ZBTB10: variants seen among roughly 807,000 people sequenced by gnomAD.
ZBTB10 encodes zinc finger and BTB domain containing 10.
A neutral mutation model predicts 76.4 loss-of-function variants in ZBTB10; 32 were observed. The observed-to-expected ratio is 0.42, with a 90% CI of 0.32 to 0.56. The LOEUF is 0.56. ZBTB10 is among the 20% of genes least tolerant of loss of function. The probability of loss-of-function intolerance (pLI) is 0.14; values close to 1 mark genes in which losing one functional copy is unlikely to be tolerated. For synonymous variants in ZBTB10, 523 were observed against 432.9 expected (o/e 1.21, Z -2.58); for missense variants, 1,057 against 1,098.5 (o/e 0.96, Z 0.53).
At chr8:80,504,591 T>C (rs1449592484) in intron 2 of ZBTB10, among the ~76,000 whole-genome samples, 1 of 152,224 alleles carries the variant, frequency 6.6e-6, no homozygotes, top group Non-Finnish European at 1.5e-5. Context: ...TCATTTCTTT[T>C]ACACAAGAAT....
At chr8:80,485,755 C>T (rs1815428409), upstream of ZBTB10, 2 of 1,529,796 alleles carry the variant, frequency 1.3e-6, no homozygotes, top group African/African-American at 2.8e-5. Context: ...AAGTTCACTT[C>T]CTTGGGCACC....
At position 80,486,762 on chromosome 8, in the gene ZBTB10, G is replaced by A; in HGVS notation, c.-49G>A. Reference sequence around the variant, plus strand: ...GGGGAGCGCGCGGGACGCGGCCCGAGGCCGTGCGCGAGCCGGGGCACCGGG... The same window carrying A: ...GGGGAGCGCGCGGGACGCGGCCCGAAGCCGTGCGCGAGCCGGGGCACCGGG... On this transcript the variant is annotated 5_prime_UTR_variant, in exon 1 of 6. Coordinates refer to ENST00000455036, the MANE Select transcript of ZBTB10 (RefSeq NM_001105539.3). 5.4e-6 allele frequency: 7 copies of A among 1,295,646 alleles called. No homozygotes were observed. Among genetic ancestry groups the A allele is most frequent in the African/African-American group, 1.6e-5 (1 of 62,302 alleles). 80.3% of individuals were successfully genotyped at this position (1,295,646 alleles called of 1,614,324 possible). A position where few individuals can be genotyped will look rare whatever the true frequency, so the allele number is the denominator to read the frequency against.
At chr8:80,503,190 T>C (rs1815968144) in intron 2 of ZBTB10, among the ~76,000 whole-genome samples, 2 of 152,186 alleles carry the variant, frequency 1.3e-5, no homozygotes, top group Non-Finnish European at 1.5e-5. Context: ...ATTAAAATAT[T>C]GTGTTGATTT....
chr8:80,486,234 T>G lies in ZBTB10; in HGVS notation c.-577T>G. 3.1e-5 allele frequency: 32 copies of G among 1,033,610 alleles called. No individual in the cohort carries two copies. The highest frequency in any genetic ancestry group is 3.7e-5 in the Non-Finnish European group (32 of 862,684). The allele number at this position is 1,033,610 out of a possible 1,614,324, so 64.0% of individuals were successfully genotyped here. A position where few individuals can be genotyped will look rare whatever the true frequency, so the allele number is the denominator to read the frequency against. On this transcript the variant is annotated 5_prime_UTR_variant, in exon 1 of 6. Coordinates refer to ENST00000455036, the MANE Select transcript of ZBTB10 (RefSeq NM_001105539.3). ...CGCACGGTCCGTTGTTCATTTGCCATTCGACCTCCGCCAGGGCCTGGTCGG... is the reference window on the plus strand; with the variant it reads ...CGCACGGTCCGTTGTTCATTTGCCAGTCGACCTCCGCCAGGGCCTGGTCGG...
rs1401753052 is a variant in ZBTB10, at chr8:80,523,792, G to C, written c.*4264G>C. ...GCTATTGAGAACAATATTTTGGGTT[G>C]AGGAGAGATGGTTGAGGCCATTATT... On this transcript the variant is annotated 3_prime_UTR_variant, in exon 6 of 6. Coordinates refer to ENST00000455036, the MANE Select transcript of ZBTB10 (RefSeq NM_001105539.3). 6.6e-6 allele frequency: 1 copy of C among 151,962 alleles called. No homozygotes were observed. Among genetic ancestry groups the C allele is most frequent in the Non-Finnish European group, 1.5e-5 (1 of 67,876 alleles). 9.4% of individuals were successfully genotyped at this position (151,962 alleles called of 1,614,324 possible). A position where few individuals can be genotyped will look rare whatever the true frequency, so the allele number is the denominator to read the frequency against.
intron 2 of ZBTB10, among the ~76,000 whole-genome samples, chr8:80,506,550 C>G (rs1254586956): frequency 1.4e-5 from 2 of 144,208 alleles, no homozygotes; most frequent in Non-Finnish European, 3.0e-5. Flanking sequence ...AACTCCTGAC[C>G]TCAGGTGATC....
rs1056222489 is a variant in ZBTB10 at position 80,522,128 on chromosome 8, T to TA, written c.*2607dup. 2 of 151,858 alleles carry TA rather than the reference T, an allele frequency of 1.3e-5. No homozygotes were observed. Among genetic ancestry groups the TA allele is most frequent in the African/African-American group, 4.8e-5 (2 of 41,410 alleles). 9.4% of individuals were successfully genotyped at this position (151,858 alleles called of 1,614,324 possible). A position where few individuals can be genotyped will look rare whatever the true frequency, so the allele number is the denominator to read the frequency against. On this transcript the variant is annotated 3_prime_UTR_variant, in exon 6 of 6. Transcript: ENST00000455036. The stretch of plus-strand genomic sequence containing the variant: ...ACTGCCTTTTCCCATCTAGATCTTT[T>TA]AAAAAAATAGTTTTAGTACTAAGGT...
At chr8:80,515,720 T>C (rs1279439251) in intron 3 of ZBTB10, among the ~76,000 whole-genome samples, 1 of 152,214 alleles carries the variant, frequency 6.6e-6, no homozygotes, top group Non-Finnish European at 1.5e-5. Context: ...TATTTTTGCA[T>C]CTGAGATCAG....
In ZBTB10 at chr8:80,486,735, G is replaced by A. The variant is rs1178995509; in HGVS notation, c.-76G>A. 3 of 1,012,678 alleles carry A rather than the reference G, an allele frequency of 3.0e-6. No individual in the cohort carries two copies. The highest frequency in any genetic ancestry group is 3.5e-6 in the Non-Finnish European group (3 of 848,568). The allele number at this position is 1,012,678 out of a possible 1,614,324, so 62.7% of individuals were successfully genotyped here. A position where few individuals can be genotyped will look rare whatever the true frequency, so the allele number is the denominator to read the frequency against. On this transcript the variant is annotated 5_prime_UTR_variant, in exon 1 of 6. Coordinates refer to ENST00000455036, the MANE Select transcript of ZBTB10 (RefSeq NM_001105539.3). ...GCGGGGGCGAGACAGAGGGGGAGCC[G>A]CGGGGAGCGCGCGGGACGCGGCCCG...
Position 80,518,668 on chromosome 8 carries a change from A to C in ZBTB10, c.2137+89A>C. 4.7e-6 allele frequency: 7 copies of C among 1,481,458 alleles called. No homozygotes were observed. The South Asian group carries it at 1.0e-4, about 21-fold the overall frequency. 91.8% of individuals were successfully genotyped at this position (1,481,458 alleles called of 1,614,324 possible). A position where few individuals can be genotyped will look rare whatever the true frequency, so the allele number is the denominator to read the frequency against. The stretch of plus-strand genomic sequence containing the variant: ...TCATGTTCTGCATTTTTTAAAAACC[A>C]AGTAGCAGTAGCTCCACATAATTGC... On this transcript the variant is annotated intron_variant, in intron 4 of 5. Coordinates refer to ENST00000455036, the MANE Select transcript of ZBTB10 (RefSeq NM_001105539.3).
rs934755525 is a variant in ZBTB10 at position 80,522,014 on chromosome 8, C to CT, written c.*2489dup. On this transcript the variant is annotated 3_prime_UTR_variant, in exon 6 of 6. Transcript: ENST00000455036. The stretch of plus-strand genomic sequence containing the variant: ...TTAGCCTCAGCCTATATAAAAATTT[C>CT]TTTGAAGTAAACATTTTACCGGAAA... The CT allele has an allele frequency of 6.6e-6, 1 of 151,706 alleles. No homozygotes were observed. The highest frequency in any genetic ancestry group is 1.5e-5 in the Non-Finnish European group (1 of 67,762). 9.4% of individuals were successfully genotyped at this position (151,706 alleles called of 1,614,324 possible). A position where few individuals can be genotyped will look rare whatever the true frequency, so the allele number is the denominator to read the frequency against.
rs1045060722 is a variant in ZBTB10, at chr8:80,486,640, G to A, written c.-171G>A. 2 of 988,352 alleles carry A rather than the reference G, an allele frequency of 2.0e-6. No homozygotes were observed. Among genetic ancestry groups the A allele is most frequent in the South Asian group, 4.6e-5 (1 of 21,662 alleles). 61.2% of individuals were successfully genotyped at this position (988,352 alleles called of 1,614,324 possible). ...GGCAGCGGACGCGTGCAGCAGACCCGGGAGCGAGCGCGAGCCGGGCTGCCG... is the reference window on the plus strand; with the variant it reads ...GGCAGCGGACGCGTGCAGCAGACCCAGGAGCGAGCGCGAGCCGGGCTGCCG... On this transcript the variant is annotated 5_prime_UTR_variant, in exon 1 of 6. Transcript: ENST00000455036.
rs1409849869 is a variant in ZBTB10 at position 80,518,580 on chromosome 8, G to A, written c.2137+1G>A. 1.9e-6 allele frequency: 3 copies of A among 1,548,714 alleles called. No individual in the cohort carries two copies. Among genetic ancestry groups the A allele is most frequent in the Admixed American group, 2.0e-5 (1 of 50,614 alleles). ...CCAAAACAAGAAACCTGGGAAAATGGCAAGTATTAGTCAACTAAACAAATA... is the reference window on the plus strand; with the variant it reads ...CCAAAACAAGAAACCTGGGAAAATGACAAGTATTAGTCAACTAAACAAATA... On this transcript the variant is annotated splice_donor_variant, in intron 4 of 5. Transcript: ENST00000455036. LOFTEE classifies it high-confidence loss of function.
At chr8:80,514,571 CAA>C (rs921165122) in intron 3 of ZBTB10, among the ~76,000 whole-genome samples, 5 of 152,298 alleles carry the variant, frequency 3.3e-5, no homozygotes, top group Admixed American at 3.3e-4. Context: ...GGAAATAATT[CAA>C]AGTCATCAGT....
chr8:80,514,215 T>C (rs1156434578), intron 3 of ZBTB10, among the ~76,000 whole-genome samples: 2 of 152,230 alleles, frequency 1.3e-5, no homozygotes, highest in Non-Finnish European at 2.9e-5. Context: ...AGTCATTTGT[T>C]TAGTTTTAAA....
chr8:80,519,200 G>T lies in ZBTB10; in HGVS notation c.2311-23G>T, dbSNP rs758599882. The T allele has an allele frequency of 9.4e-6, 15 of 1,603,992 alleles. No homozygotes were observed. In the Admixed American group the frequency reaches 1.9e-4, roughly 20 times the overall value. ...CTATTATATATAATATCCTTATATT[G>T]GATTTTTTCCCCCTCCAATTAGGTG... On this transcript the variant is annotated intron_variant, in intron 5 of 5. Coordinates refer to ENST00000455036, the MANE Select transcript of ZBTB10 (RefSeq NM_001105539.3).
rs1051919 is a variant in ZBTB10, at chr8:80,526,075, G to A, written c.*6547G>A. 0.23 allele frequency: 34,332 copies of A among 151,572 alleles called. 4,888 individuals carry two copies. The highest frequency in any genetic ancestry group is 0.4 in the African/African-American group (16,642 of 41,314). The allele number at this position is 151,572 out of a possible 1,614,324, so 9.4% of individuals were successfully genotyped here. A position where few individuals can be genotyped will look rare whatever the true frequency, so the allele number is the denominator to read the frequency against. On this transcript the variant is annotated 3_prime_UTR_variant, in exon 6 of 6. Transcript: ENST00000455036. ...GCCTTTGTGATTTTTTTTTTAAACCGTCTCCATAACAGAACACTTAGAATT... is the reference window on the plus strand; with the variant it reads ...GCCTTTGTGATTTTTTTTTTAAACCATCTCCATAACAGAACACTTAGAATT...
intron 2 of ZBTB10, among the ~76,000 whole-genome samples, chr8:80,504,804 A>G (rs1463851533): frequency 1.3e-5 from 2 of 152,246 alleles, no homozygotes; most frequent in East Asian, 3.8e-4. Flanking sequence ...ACCAGGAAAC[A>G]TTAAATTTTA....
intron 1 of ZBTB10, among the ~76,000 whole-genome samples, chr8:80,496,335 T>C (rs1438469786): frequency 6.6e-6 from 1 of 151,620 alleles, no homozygotes; most frequent in Non-Finnish European, 1.5e-5. Context: ...AAATGATTCA[T>C]TTTTTTTGAA....
Sources: allele counts gnomAD v4.1 joint callset (sites outside exome capture counted in the v4.1 genomes callset), GRCh38; gene constraint gnomAD v4.1.1; transcripts MANE v1.5; gene names NCBI Gene and HGNC (gene_info 2026-07-23, HGNC 2026-07-21).